DSCAM: variants seen among roughly 807,000 people sequenced by gnomAD.
DSCAM encodes the protein DS cell adhesion molecule.
DSCAM carries 47 observed loss-of-function variants against 217.7 expected under a neutral mutation model. The ratio of observed to expected loss-of-function variants is 0.22; its 90% CI spans 0.17 to 0.28. The LOEUF (loss-of-function observed/expected upper bound fraction) is 0.28. Among genes scored for constraint, DSCAM ranks in the 10% least tolerant of loss-of-function variants. DSCAM has a pLI of 1.00. For missense variants in DSCAM, 2,080 were observed against 2,618.3 expected (o/e 0.79, Z 4.49); for synonymous variants, 1,056 against 1,015.3 (o/e 1.04, Z -0.76).
intron 11 of DSCAM, among the ~76,000 whole-genome samples, chr21:40,267,408 G>A (rs564811879): frequency 5.3e-5 from 8 of 152,078 alleles, no homozygotes; most frequent in African/African-American, 1.7e-4. Flanking sequence ...CACTGGCAGG[G>A]CAGTAGGTTT....
At chr21:40,356,041 G>A (rs796933357) in intron 4 of DSCAM, among the ~76,000 whole-genome samples, 8 of 152,218 alleles carry the variant, frequency 5.3e-5, no homozygotes, top group African/African-American at 1.9e-4. Flanking sequence ...GTGTGTATAT[G>A]TATATCAACA....
intron 11 of DSCAM, among the ~76,000 whole-genome samples, chr21:40,199,162 A>T (rs1017548981): frequency 5.9e-5 from 9 of 152,174 alleles, no homozygotes; most frequent in African/African-American, 2.2e-4. Flanking sequence ...GAGGGAAGTG[A>T]CTAATCCACT....
intron 16 of DSCAM, among the ~76,000 whole-genome samples, chr21:40,160,829 T>C (rs2837469): frequency 0.53 from 81,021 of 152,136 alleles, 22,736 homozygotes; most frequent in African/African-American, 0.71. Context: ...TTAGATTTTT[T>C]GTGTTCATCC....
At chr21:40,837,898 T>C (rs1337913681) in intron 1 of DSCAM, among the ~76,000 whole-genome samples, 1 of 152,214 alleles carries the variant, frequency 6.6e-6, no homozygotes, top group African/African-American at 2.4e-5. Context: ...ACATATCAGT[T>C]ATTAAAAATG....
intron 1 of DSCAM, among the ~76,000 whole-genome samples, chr21:40,764,543 G>A (rs1294718034): frequency 3.9e-5 from 6 of 152,268 alleles, no homozygotes; most frequent in Non-Finnish European, 7.4e-5. Context: ...ACAGTGTGGC[G>A]ATTCCTCAAG....
chr21:40,346,514 A>G (rs1386190331), intron 6 of DSCAM, among the ~76,000 whole-genome samples: 1 of 152,214 alleles, frequency 6.6e-6, no homozygotes, highest in African/African-American at 2.4e-5. Flanking sequence ...AATTGATATC[A>G]GATGAATTTT....
intron 1 of DSCAM, among the ~76,000 whole-genome samples, chr21:40,729,220 G>T (rs1006829946): frequency 6.6e-6 from 1 of 152,170 alleles, no homozygotes; most frequent in African/African-American, 2.4e-5. Flanking sequence ...TGTCAGAGAT[G>T]AGAAACCATA....
intron 32 of DSCAM, among the ~76,000 whole-genome samples, chr21:40,026,984 C>T (rs2088401594): frequency 1.3e-5 from 2 of 152,430 alleles, no homozygotes; most frequent in East Asian, 3.8e-4. Flanking sequence ...ATGGTCTCTA[C>T]ATTTTGGCAT....
chr21:40,748,160 CA>C, intron 1 of DSCAM, among the ~76,000 whole-genome samples: 1 of 151,848 alleles, frequency 6.6e-6, no homozygotes, highest in South Asian at 2.1e-4. Context: ...TAGAACAAGA[CA>C]AAAATGCCCA....
chr21:40,241,577 T>C (rs1021047204), intron 11 of DSCAM, among the ~76,000 whole-genome samples: 3 of 152,120 alleles, frequency 2.0e-5, no homozygotes, highest in Admixed American at 6.5e-5. Context: ...TGGAAAGCAA[T>C]ATGGTATGGT....
intron 14 of DSCAM, among the ~76,000 whole-genome samples, chr21:40,185,981 G>A (rs1478632636): frequency 3.3e-5 from 5 of 152,190 alleles, no homozygotes; most frequent in African/African-American, 9.7e-5. Flanking sequence ...TAGGCCCCCA[G>A]TTGCAACTCA....
At chr21:40,668,868 A>G (rs1482819271) in intron 3 of DSCAM, among the ~76,000 whole-genome samples, 1 of 145,862 alleles carries the variant, frequency 6.9e-6, no homozygotes, top group Non-Finnish European at 1.5e-5. Context: ...AGTCCAGTCA[A>G]AAGATAGTGA....
At chr21:40,731,734 C>T (rs1047519535) in intron 1 of DSCAM, among the ~76,000 whole-genome samples, 19 of 124,230 alleles carry the variant, frequency 1.5e-4, no homozygotes, top group Admixed American at 1.0e-3. Flanking sequence ...CTGCACCCCC[C>T]CCCCCGCCCC....
chr21:40,103,353 A>C (rs2089778757), intron 20 of DSCAM, among the ~76,000 whole-genome samples: 2 of 152,162 alleles, frequency 1.3e-5, no homozygotes, highest in Non-Finnish European at 2.9e-5. Flanking sequence ...CCAAGCAATA[A>C]ACAAAATTGA....
At chr21:40,195,692 C>T (rs2837490) in intron 11 of DSCAM, among the ~76,000 whole-genome samples, 72,898 of 151,864 alleles carry the variant, frequency 0.48, 18,241 homozygotes, top group African/African-American at 0.62. Context: ...GAGCCAAGAA[C>T]GAGGCAGCAT....
chr21:40,353,843 A>G (rs2074662099), intron 4 of DSCAM, 100 bp from the exon 5 acceptor site: 2 of 1,041,608 alleles, frequency 1.9e-6, no homozygotes, highest in Non-Finnish European at 2.6e-6. Flanking sequence ...GGTGCATCAT[A>G]CCAACTATTG....
intron 3 of DSCAM, among the ~76,000 whole-genome samples, chr21:40,661,138 A>G (rs1363102339): frequency 6.6e-6 from 1 of 152,224 alleles, no homozygotes; most frequent in Non-Finnish European, 1.5e-5. Flanking sequence ...AATGATTTAT[A>G]GGAAATCTAA....
At chr21:40,473,967 A>T (rs1249112832) in intron 3 of DSCAM, among the ~76,000 whole-genome samples, 1 of 152,200 alleles carries the variant, frequency 6.6e-6, no homozygotes, top group Non-Finnish European at 1.5e-5. Context: ...TTTTTGTGGC[A>T]GCCCTAGCAG....
intron 3 of DSCAM, among the ~76,000 whole-genome samples, chr21:40,627,158 C>G (rs1247781412): frequency 6.6e-6 from 1 of 152,220 alleles, no homozygotes; most frequent in Non-Finnish European, 1.5e-5. Flanking sequence ...CCATAATAGA[C>G]AGCCACACGT....
Sources: gnomAD v4.1 joint callset for allele counts (sites outside exome capture counted in the v4.1 genomes callset) on GRCh38, gnomAD v4.1.1 for gene constraint, MANE v1.5 for transcripts, NCBI Gene and HGNC (gene_info 2026-07-23, HGNC 2026-07-21) for gene names.